ANKRD31: variants seen among roughly 807,000 people sequenced by gnomAD.
The protein encoded by ANKRD31 is ankyrin repeat domain 31, also known as ankyrin repeat domain-containing protein 31.
Under a neutral mutation model 186.0 loss-of-function variants are expected in ANKRD31, and 147 were observed. The ratio of observed to expected loss-of-function variants is 0.79; its 90% CI spans 0.69 to 0.91. The LOEUF is 0.91. ANKRD31 is among the 40% of genes least tolerant of loss of function. The pLI is 0.00. For synonymous variants in ANKRD31, 673 were observed against 736.4 expected, an observed-to-expected ratio of 0.91 and a Z score of 1.39; for missense variants, 1,986 against 2,148.8, an observed-to-expected ratio of 0.92 and a Z score of 1.50.
chr5:75,192,946 A>C (rs1185467242), intron 8 of ANKRD31, among the ~76,000 whole-genome samples, 170 bp from the exon 9 acceptor site: 5 of 152,164 alleles, frequency 3.3e-5, no homozygotes, highest in Non-Finnish European at 4.4e-5. Context: ...GTAATTCTGC[A>C]GCAGGCATGC....
rs1748102017 is a variant in ANKRD31, at chr5:75,115,054, A to G, written c.4155+1512T>C. 3.3e-5 allele frequency among the ~76,000 whole-genome samples: 5 copies of G among 152,180 alleles called. No individual in the cohort carries two copies. In the South Asian group the frequency reaches 1.0e-3, roughly 32 times the overall value. On this transcript the variant is annotated intron_variant, in intron 19 of 25. Coordinates refer to ENST00000506364, the MANE Select transcript of ANKRD31 (RefSeq NM_001372053.1). ...AAAACAGCATGGTATTGGTACCAAAACAGAGATATAGATCAATGGAACAGA... is the reference window on the plus strand; with the variant it reads ...AAAACAGCATGGTATTGGTACCAAAGCAGAGATATAGATCAATGGAACAGA...
At chr5:75,200,206 T>G (rs1158529675) in intron 5 of ANKRD31, among the ~76,000 whole-genome samples, 1 of 152,126 alleles carries the variant, frequency 6.6e-6, no homozygotes, top group Non-Finnish European at 1.5e-5. Flanking sequence ...TGAGCCAAGC[T>G]GGCAAACAGC....
rs1312032388 is a variant in ANKRD31 at position 75,195,671 on chromosome 5, T to G, written c.977A>C (p.Asn326Thr). The change falls in exon 7 of 26, where the codon AAT becomes ACT. Residue 326 changes from asparagine to threonine, a missense_variant. By Grantham distance (65) the Asn-to-Thr change is moderately conservative. Coordinates refer to ENST00000506364, the MANE Select transcript of ANKRD31 (RefSeq NM_001372053.1). ...ACAATCTTCATTGGTCTGAGACGTA[T>G]TGAACTCCACTTCTAAACATTCATT... ...ARNECLEVEF[N>T]TSQTNEDCTQ... 6.5e-6 allele frequency: 10 copies of G among 1,536,478 alleles called. No homozygotes were observed. In the Admixed American group the frequency reaches 2.0e-4, roughly 30 times the overall value.
At chr5:75,215,909 A>G (rs1179976645) in intron 3 of ANKRD31, among the ~76,000 whole-genome samples, 1 of 152,134 alleles carries the variant, frequency 6.6e-6, no homozygotes, top group Non-Finnish European at 1.5e-5. Flanking sequence ...TTAAATTTCA[A>G]AAGGTTTATT....
intron 22 of ANKRD31, among the ~76,000 whole-genome samples, chr5:75,100,082 A>C (rs562899743): frequency 6.6e-6 from 1 of 152,294 alleles, no homozygotes; most frequent in East Asian, 1.9e-4. Context: ...TTCCCTCTAC[A>C]CACTGCTTTA....
intron 25 of ANKRD31, among the ~76,000 whole-genome samples, chr5:75,078,191 C>G (rs1433556897): frequency 6.6e-6 from 1 of 152,038 alleles, no homozygotes; most frequent in South Asian, 2.1e-4. Flanking sequence ...AATAAACACC[C>G]TATGCACTGT....
At chr5:75,218,769 T>C (rs561354648) in intron 3 of ANKRD31, among the ~76,000 whole-genome samples, 4 of 152,328 alleles carry the variant, frequency 2.6e-5, no homozygotes, top group African/African-American at 9.6e-5. Context: ...CAAGCAGGCC[T>C]TATCTCTGGA....
intron 6 of ANKRD31, among the ~76,000 whole-genome samples, chr5:75,198,964 A>G (rs1313420348): frequency 2.6e-5 from 4 of 152,206 alleles, no homozygotes; most frequent in Non-Finnish European, 4.4e-5. Flanking sequence ...TGAAGGCAGG[A>G]AAGTGTAAGG....
At chr5:75,111,914 C>A (rs1747819845) in intron 20 of ANKRD31, among the ~76,000 whole-genome samples, 1 of 152,284 alleles carries the variant, frequency 6.6e-6, no homozygotes, top group Non-Finnish European at 1.5e-5. Context: ...CCTTCCACTG[C>A]ACTATTTCTG....
Position 75,236,867 on chromosome 5 carries a change from G to T in ANKRD31, c.-181C>A, listed in dbSNP as rs900265978. On this transcript the variant is annotated 5_prime_UTR_variant, in exon 1 of 26. Coordinates refer to ENST00000506364, the MANE Select transcript of ANKRD31 (RefSeq NM_001372053.1). Reference sequence around the variant, plus strand: ...GACGCAGGCGGCCGCGAGCGCGGCGGGGTAGCAGTCTGCGAGGCGGCCCGC... The same window carrying T: ...GACGCAGGCGGCCGCGAGCGCGGCGTGGTAGCAGTCTGCGAGGCGGCCCGC... The T allele has an allele frequency of 4.3e-6, 2 of 469,440 alleles. No individual in the cohort carries two copies. Among genetic ancestry groups the T allele is most frequent in the East Asian group, 8.1e-5 (2 of 24,670 alleles). 29.1% of individuals were successfully genotyped at this position (469,440 alleles called of 1,614,324 possible).
chr5:75,188,392 G>T, intron 10 of ANKRD31, 101 bp downstream of exon 10: 1 of 1,160,246 alleles, frequency 8.6e-7, no homozygotes, highest in Non-Finnish European at 1.2e-6. Flanking sequence ...CCTTCTGTTT[G>T]GAACTTACCT....
Position 75,206,488 on chromosome 5 carries a change from C to A in ANKRD31, c.327-1G>T. ...GAACATTGAACAGTTTTTTCTAGTC[C>A]TAAAAAATCAATTAATAAAAATAAA... On this transcript the variant is annotated splice_acceptor_variant, in intron 4 of 25. Transcript: ENST00000506364. LOFTEE classifies it high-confidence loss of function. 1 of 1,410,144 alleles carries A rather than the reference C, an allele frequency of 7.1e-7. No homozygotes were observed. The highest frequency in any genetic ancestry group is 9.2e-7 in the Non-Finnish European group (1 of 1,085,036). 87.4% of individuals were successfully genotyped at this position (1,410,144 alleles called of 1,614,324 possible).
At chr5:75,178,855 G>A (rs1754036679) in intron 10 of ANKRD31, among the ~76,000 whole-genome samples, 1 of 152,090 alleles carries the variant, frequency 6.6e-6, no homozygotes, top group East Asian at 1.9e-4. Context: ...ACATTCAAAA[G>A]CTAGCAGAAG....
At chr5:75,204,589 TC>T (rs749499748) in intron 5 of ANKRD31, among the ~76,000 whole-genome samples, 33 of 152,198 alleles carry the variant, frequency 2.2e-4, no homozygotes, top group Non-Finnish European at 4.0e-4. Context: ...GGCAGGGCCA[TC>T]TAAGGCTTTT....
At chr5:75,139,068 C>A (rs1750820099) in intron 15 of ANKRD31, 85 bp from the exon 16 acceptor site, 8 of 1,378,108 alleles carry the variant, frequency 5.8e-6, no homozygotes, top group Non-Finnish European at 7.8e-6. Flanking sequence ...ACAACTTCCT[C>A]AAAATACCAC....
chr5:75,204,004 T>G (rs1755992958), intron 5 of ANKRD31, among the ~76,000 whole-genome samples: 1 of 152,180 alleles, frequency 6.6e-6, no homozygotes, highest in South Asian at 2.1e-4. Flanking sequence ...AAGAGGAACA[T>G]TAATTACCCC....
chr5:75,131,619 G>A (rs557358367), intron 17 of ANKRD31, among the ~76,000 whole-genome samples: 10 of 152,148 alleles, frequency 6.6e-5, no homozygotes, highest in Non-Finnish European at 1.2e-4. Flanking sequence ...CAGAAACTTC[G>A]GCAGACTTAA....
At chr5:75,099,504 T>C (rs540517352) in intron 22 of ANKRD31, among the ~76,000 whole-genome samples, 1 of 152,352 alleles carries the variant, frequency 6.6e-6, no homozygotes, top group East Asian at 1.9e-4. Flanking sequence ...TCAGAAGGAA[T>C]GATACCAGCT....
At chr5:75,083,708 C>T (rs1421169963) in intron 24 of ANKRD31, among the ~76,000 whole-genome samples, 2 of 149,702 alleles carry the variant, frequency 1.3e-5, no homozygotes, top group African/African-American at 4.9e-5. Context: ...CCAGCTTGGG[C>T]AACAAGGGCA....
Sources: gnomAD v4.1 joint callset for allele counts (sites outside exome capture counted in the v4.1 genomes callset) on GRCh38, gnomAD v4.1.1 for gene constraint, MANE v1.5 for transcripts, NCBI Gene and HGNC (gene_info 2026-07-23, HGNC 2026-07-21) for gene names.